The following GRM7 variants were observed in gnomAD, a reference collection of about 807,000 sequenced individuals.
The protein encoded by GRM7 is metabotropic glutamate receptor 7.
In GRM7, 35 loss-of-function variants were observed where a neutral mutation model predicts 84.5. The ratio of observed to expected loss-of-function variants is 0.41; its 90% CI spans 0.32 to 0.55. The LOEUF is 0.55. Ranked by LOEUF, GRM7 falls within the 20% of genes least tolerant of loss-of-function variation. The pLI, the probability that GRM7 is intolerant of heterozygous loss-of-function variation, is 0.19. For missense variants in GRM7, 1,003 were observed against 1,194.6 expected, an observed-to-expected ratio of 0.84 and a Z score of 2.36; for synonymous variants, 487 against 455.1, an observed-to-expected ratio of 1.07 and a Z score of -0.89.
At chr3:7,446,775 A>T (rs1044394703) in intron 5 of GRM7, among the ~76,000 whole-genome samples, 4 of 151,806 alleles carry the variant, frequency 2.6e-5, no homozygotes, top group African/African-American at 9.7e-5. Context: ...TTTTTTTTAT[A>T]TTAACAATTT....
In GRM7 at chr3:7,656,768, A is replaced by G. The variant is rs750899797; in HGVS notation, c.2452-23281A>G. Among the ~76,000 whole-genome samples the G allele has an allele frequency of 1.9e-4, 29 of 152,114 alleles. 1 individual carries two copies. The highest frequency in any genetic ancestry group is 4.6e-4 in the Admixed American group (7 of 15,274). On this transcript the variant is annotated intron_variant, in intron 8 of 9. Coordinates refer to ENST00000357716, the MANE Select transcript of GRM7 (RefSeq NM_000844.4). ...TGAAAAGTGAAGCACTTTTTAAAAT[A>G]TGGTCAAAGAGAGGTTCTAGAAAAA...
chr3:7,039,791 G>A (rs1029759665), intron 1 of GRM7, among the ~76,000 whole-genome samples: 6 of 151,996 alleles, frequency 3.9e-5, no homozygotes, highest in African/African-American at 1.4e-4. Flanking sequence ...TATTATTGCC[G>A]ATCGGTTTTT....
chr3:7,084,599 G>T (rs1315125738), intron 1 of GRM7, among the ~76,000 whole-genome samples: 1 of 152,102 alleles, frequency 6.6e-6, no homozygotes, highest in African/African-American at 2.4e-5. Flanking sequence ...AGAAGATCCT[G>T]GGAGGAGCTG....
At chr3:7,112,067 A>G (rs372350432) in intron 1 of GRM7, among the ~76,000 whole-genome samples, 36 of 152,294 alleles carry the variant, frequency 2.4e-4, no homozygotes, top group African/African-American at 8.4e-4. Flanking sequence ...GAGATTTTTC[A>G]GAGCTGTTAA....
At chr3:7,030,215 T>C (rs148873964) in intron 1 of GRM7, among the ~76,000 whole-genome samples, 11 of 152,324 alleles carry the variant, frequency 7.2e-5, no homozygotes, top group Non-Finnish European at 1.2e-4. Context: ...TATCATGACA[T>C]TTCTATACAA....
chr3:6,899,831 G>C (rs1696322230), intron 1 of GRM7, among the ~76,000 whole-genome samples: 1 of 152,156 alleles, frequency 6.6e-6, no homozygotes, highest in African/African-American at 2.4e-5. Context: ...TCAGAGGTGA[G>C]CAAAGAGAAC....
chr3:6,987,633 A>C (rs544757166), intron 1 of GRM7, among the ~76,000 whole-genome samples: 14 of 152,332 alleles, frequency 9.2e-5, no homozygotes, highest in Middle Eastern at 3.4e-3. Flanking sequence ...GAGCTATTCA[A>C]GCTAGATCAT....
chr3:7,256,172 A>T (rs1436805655), intron 2 of GRM7, among the ~76,000 whole-genome samples: 2 of 151,978 alleles, frequency 1.3e-5, no homozygotes, highest in South Asian at 2.1e-4. Context: ...TTGTCTCCTT[A>T]TTCTTCAGGG....
intron 1 of GRM7, among the ~76,000 whole-genome samples, chr3:7,020,440 A>G (rs1481244733): frequency 6.6e-6 from 1 of 152,170 alleles, no homozygotes; most frequent in Admixed American, 6.5e-5. Context: ...CAAATGCAAA[A>G]TGGCAGAACC....
chr3:7,119,313 G>GA (rs888387197), intron 1 of GRM7, among the ~76,000 whole-genome samples: 3 of 151,460 alleles, frequency 2.0e-5, no homozygotes, highest in African/African-American at 7.3e-5. Flanking sequence ...CTGATTCCTT[G>GA]AAAAAAAATT....
At chr3:7,320,691 TGTG>T (rs1700744977) in intron 4 of GRM7, among the ~76,000 whole-genome samples, 1 of 149,448 alleles carries the variant, frequency 6.7e-6, no homozygotes. Flanking sequence ...AGTGTGTGTG[TGTG>T]TGTGTGTGTG....
intron 8 of GRM7, among the ~76,000 whole-genome samples, chr3:7,620,479 T>G (rs929463393): frequency 2.6e-5 from 4 of 152,130 alleles, no homozygotes; most frequent in African/African-American, 9.7e-5. Flanking sequence ...TATATTACTT[T>G]CAGAAAGAAA....
chr3:7,227,126 C>T (rs946888247), intron 2 of GRM7, among the ~76,000 whole-genome samples: 2 of 152,146 alleles, frequency 1.3e-5, no homozygotes, highest in African/African-American at 4.8e-5. Context: ...TTGCATTATT[C>T]AGCCTGTTAA....
intron 1 of GRM7, among the ~76,000 whole-genome samples, chr3:7,093,667 A>T (rs1030498191): frequency 8.2e-6 from 1 of 122,280 alleles, no homozygotes; most frequent in Non-Finnish European, 1.6e-5. Context: ...ATAGAGCAAG[A>T]CTCTGTCTCA....
chr3:7,358,231 A>C (rs1189961604), intron 4 of GRM7, among the ~76,000 whole-genome samples: 2 of 152,158 alleles, frequency 1.3e-5, no homozygotes, highest in African/African-American at 4.8e-5. Context: ...ATTTTGTAGG[A>C]AATTATGATT....
At chr3:7,088,991 C>T (rs1005690638) in intron 1 of GRM7, among the ~76,000 whole-genome samples, 2 of 152,070 alleles carry the variant, frequency 1.3e-5, no homozygotes, top group Non-Finnish European at 2.9e-5. Context: ...AAGAGAAAAG[C>T]CCAGTTTCTT....
intron 1 of GRM7, among the ~76,000 whole-genome samples, chr3:6,941,777 T>C (rs62235414): frequency 0.073 from 11,068 of 152,268 alleles, 548 homozygotes; most frequent in Non-Finnish European, 0.11. Flanking sequence ...TCAATTCATA[T>C]ATTCATGAGG....
At chr3:7,657,287 A>G (rs192641584) in intron 8 of GRM7, among the ~76,000 whole-genome samples, 196 of 152,346 alleles carry the variant, frequency 1.3e-3, no homozygotes, top group African/African-American at 4.5e-3. Context: ...AAAAAGATAA[A>G]TGGTAATTAT....
At chr3:7,391,064 G>A (rs968730476) in intron 4 of GRM7, among the ~76,000 whole-genome samples, 1 of 151,586 alleles carries the variant, frequency 6.6e-6, no homozygotes, top group East Asian at 1.9e-4. Context: ...TCCCTTGGAG[G>A]TATGATTGTG....
Sources: gnomAD v4.1 joint callset for allele counts (sites outside exome capture counted in the v4.1 genomes callset) on GRCh38, gnomAD v4.1.1 for gene constraint, MANE v1.5 for transcripts, NCBI Gene and HGNC (gene_info 2026-07-23, HGNC 2026-07-21) for gene names.